Variants in CNTN5 observed in about 807,000 individuals in gnomAD.
The protein encoded by CNTN5 is contactin 5.
Under a neutral mutation model 129.1 loss-of-function variants are expected in CNTN5, and 77 were observed. The ratio of observed to expected loss-of-function variants is 0.60; its 90% CI spans 0.50 to 0.72. The LOEUF is 0.72. Ranked by LOEUF, CNTN5 falls within the 30% of genes least tolerant of loss-of-function variation. CNTN5 has a pLI of 0.00. For missense variants in CNTN5, 1,478 were observed against 1,328.8 expected (o/e 1.11, Z -1.75); for synonymous variants, 509 against 465.6 (o/e 1.09, Z -1.20).
intron 3 of CNTN5, among the ~76,000 whole-genome samples, chr11:99,773,536 T>C (rs1033513811): frequency 1.3e-5 from 2 of 152,060 alleles, no homozygotes; most frequent in African/African-American, 4.8e-5. Context: ...TGCAAATTAA[T>C]TTTTGAAGAA....
At chr11:99,772,534 T>A (rs1244067646) in intron 3 of CNTN5, among the ~76,000 whole-genome samples, 1 of 152,030 alleles carries the variant, frequency 6.6e-6, no homozygotes, top group Admixed American at 6.6e-5. Context: ...TGTGTACCCT[T>A]CCTGTTTCAC....
At chr11:100,080,192 G>A (rs764842051) in intron 13 of CNTN5, among the ~76,000 whole-genome samples, 1 of 152,092 alleles carries the variant, frequency 6.6e-6, no homozygotes, top group African/African-American at 2.4e-5. Context: ...CCCAGGCAGA[G>A]TAAGGTAACA....
intron 3 of CNTN5, among the ~76,000 whole-genome samples, chr11:99,723,618 A>G (rs1208497674): frequency 1.3e-5 from 2 of 152,114 alleles, no homozygotes; most frequent in African/African-American, 4.8e-5. Flanking sequence ...TTCCTTAAGA[A>G]TTTGGTTTAT....
At chr11:100,247,609 A>T (rs1032838242) in intron 16 of CNTN5, among the ~76,000 whole-genome samples, 1 of 152,174 alleles carries the variant, frequency 6.6e-6, no homozygotes, top group Non-Finnish European at 1.5e-5. Context: ...GGATGTCAAG[A>T]GTATATCAGG....
At chr11:99,954,771 A>T (rs568193832) in intron 7 of CNTN5, among the ~76,000 whole-genome samples, 1 of 152,296 alleles carries the variant, frequency 6.6e-6, no homozygotes, top group South Asian at 2.1e-4. Flanking sequence ...AATCCACTGC[A>T]AACTCAGGTT....
chr11:99,994,158 C>A (rs7943623), intron 8 of CNTN5, among the ~76,000 whole-genome samples: 1 of 151,376 alleles, frequency 6.6e-6, no homozygotes, highest in East Asian at 1.9e-4. Flanking sequence ...TTTTTAACGA[C>A]AATGGCAACA....
At chr11:99,043,401 A>G (rs1463000020) in intron 1 of CNTN5, among the ~76,000 whole-genome samples, 1 of 151,566 alleles carries the variant, frequency 6.6e-6, no homozygotes. Flanking sequence ...AACCTGCACA[A>G]TGTGCACATG....
intron 15 of CNTN5, among the ~76,000 whole-genome samples, chr11:100,198,847 G>C (rs909469575): frequency 6.6e-6 from 1 of 151,876 alleles, no homozygotes; most frequent in African/African-American, 2.4e-5. Flanking sequence ...TGAATAGAAA[G>C]ACAGAATATA....
rs1462392409 is a variant in CNTN5 at position 99,394,976 on chromosome 11, A to G, written c.-71+69492A>G. 2.6e-5 allele frequency among the ~76,000 whole-genome samples: 4 copies of G among 151,804 alleles called. No individual in the cohort carries two copies. The South Asian group carries it at 6.2e-4, about 24-fold the overall frequency. On this transcript the variant is annotated intron_variant, in intron 2 of 24. Transcript: ENST00000524871. ...TTCAGGTTGATTCACTGTCTTTGCTATTGTGAATGGTGCTGCAGTGAATAT... is the reference window on the plus strand; with the variant it reads ...TTCAGGTTGATTCACTGTCTTTGCTGTTGTGAATGGTGCTGCAGTGAATAT...
chr11:99,404,530 T>C (rs193246757), intron 2 of CNTN5, among the ~76,000 whole-genome samples: 34 of 152,190 alleles, frequency 2.2e-4, no homozygotes, highest in African/African-American at 8.2e-4. Context: ...ATATATTTTT[T>C]GGTTTCAGGT....
At chr11:99,818,163 A>G (rs1013832411) in intron 3 of CNTN5, among the ~76,000 whole-genome samples, 15 of 152,192 alleles carry the variant, frequency 9.9e-5, no homozygotes, top group African/African-American at 3.6e-4. Context: ...ATTTTAATTA[A>G]TTATGAGAAA....
chr11:100,057,573 T>G (rs1943287863), intron 9 of CNTN5, among the ~76,000 whole-genome samples: 1 of 151,924 alleles, frequency 6.6e-6, no homozygotes, highest in Non-Finnish European at 1.5e-5. Context: ...GGGGACATAC[T>G]GCTTTAACAA....
intron 3 of CNTN5, among the ~76,000 whole-genome samples, chr11:99,754,482 C>G (rs1196661508): frequency 6.6e-6 from 1 of 152,164 alleles, no homozygotes; most frequent in Non-Finnish European, 1.5e-5. Context: ...CTTAAGGGTT[C>G]AACTTGTACT....
chr11:99,443,324 G>T (rs1459165565), intron 2 of CNTN5, among the ~76,000 whole-genome samples: 1 of 152,192 alleles, frequency 6.6e-6, no homozygotes, highest in Non-Finnish European at 1.5e-5. Context: ...TTATCTATGT[G>T]TAATTGTGAA....
chr11:99,356,434 G>A (rs1938676241), intron 2 of CNTN5, among the ~76,000 whole-genome samples: 1 of 152,226 alleles, frequency 6.6e-6, no homozygotes, highest in Admixed American at 6.5e-5. Flanking sequence ...TATACAGTAT[G>A]TACAGGATTG....
chr11:99,274,302 G>A (rs890736499), intron 1 of CNTN5, among the ~76,000 whole-genome samples: 7 of 151,544 alleles, frequency 4.6e-5, no homozygotes, highest in Non-Finnish European at 1.0e-4. Flanking sequence ...ATCTCAAACA[G>A]GCTAAATTTT....
chr11:99,620,252 T>C (rs1950899020), intron 3 of CNTN5, among the ~76,000 whole-genome samples: 1 of 151,930 alleles, frequency 6.6e-6, no homozygotes, highest in Admixed American at 6.6e-5. Context: ...CCCAGTTGTG[T>C]TCATTGTTAT....
intron 21 of CNTN5, among the ~76,000 whole-genome samples, chr11:100,335,086 C>T (rs529089585): frequency 4.0e-5 from 6 of 151,528 alleles, no homozygotes; most frequent in East Asian, 1.9e-4. Context: ...TGGGAGGCTG[C>T]GCATGTGTAG....
At chr11:99,130,549 C>G (rs1011025703) in intron 1 of CNTN5, among the ~76,000 whole-genome samples, 1 of 152,028 alleles carries the variant, frequency 6.6e-6, no homozygotes, top group Non-Finnish European at 1.5e-5. Flanking sequence ...AGTATGAGAT[C>G]ATTGAAACAG....
Sources: allele counts gnomAD v4.1 joint callset (sites outside exome capture counted in the v4.1 genomes callset), GRCh38; gene constraint gnomAD v4.1.1; transcripts MANE v1.5; gene names NCBI Gene and HGNC (gene_info 2026-07-23, HGNC 2026-07-21).